Variants in PPAN observed in about 807,000 individuals in gnomAD.
PPAN encodes the protein peter pan homolog.
In PPAN, 39 loss-of-function variants were observed where a neutral mutation model predicts 48.5. That is an observed-to-expected ratio of 0.80 (90% CI 0.62 to 1.05). The LOEUF is 1.05. Among genes scored for constraint, PPAN ranks in the 50% least tolerant of loss-of-function variants. The pLI, the probability that PPAN is intolerant of heterozygous loss-of-function variation, is 0.00. For synonymous variants in PPAN, 315 were observed against 268.6 expected, an observed-to-expected ratio of 1.17 and a Z score of -1.69; for missense variants, 736 against 661.7, an observed-to-expected ratio of 1.11 and a Z score of -1.23.
In PPAN at chr19:10,108,140, T is replaced by G. The variant is rs1160319000; in HGVS notation, c.513+6T>G. 6.2e-7 allele frequency: 1 copy of G among 1,605,620 alleles called. No individual in the cohort carries two copies. Among genetic ancestry groups the G allele is most frequent in the Admixed American group, 1.7e-5 (1 of 59,082 alleles). On this transcript the variant is annotated splice_donor_region_variant and intron_variant, in intron 5 of 11. Transcript: ENST00000253107. ...CCTCCATCAACGTGCACAAGGTGGG[T>G]CTGGCCTGGCGAGGTGGCAGGTATG...
chr19:10,109,550 G>A, intron 5 of PPAN, 81 bp from the exon 6 acceptor site: 3 of 1,454,018 alleles, frequency 2.1e-6, no homozygotes, highest in Non-Finnish European at 2.8e-6. Context: ...TCCACGAACA[G>A]TGTGTGTATC....
rs1339730300 is a variant in PPAN at position 10,106,742 on chromosome 19, C to T, written c.189+71C>T. 4.1e-6 allele frequency: 6 copies of T among 1,465,842 alleles called. No homozygotes were observed. The Admixed American group carries it at 9.0e-5, about 22-fold the overall frequency. The allele number at this position is 1,465,842 out of a possible 1,614,324, so 90.8% of individuals were successfully genotyped here. On this transcript the variant is annotated intron_variant, in intron 2 of 11. Transcript: ENST00000253107. ...TCTTCGTAGCTGCAGTAATGGCTCC[C>T]GCTGTAAAACTGTGGGAGGACTTAA... is the stretch of plus-strand genomic sequence containing the variant.
intron 1 of PPAN, 37 bp from the exon 2 acceptor site, chr19:10,106,464 G>GGTCGCGGCGCTGACCCTTTGTCTCTCGTC: frequency 6.5e-6 from 10 of 1,547,622 alleles, no homozygotes; most frequent in African/African-American, 1.4e-5. Context: ...TCCCGGCCGA[G>GGTCGCGGCGCTGACCCTTTGTCTCTCGTC]GTCGCGGCGC....
At chr19:10,106,759 A>G (rs1599302799) in intron 2 of PPAN, 88 bp downstream of exon 2, 2 of 1,451,324 alleles carry the variant, frequency 1.4e-6, no homozygotes, top group Non-Finnish European at 1.8e-6. Context: ...AAACTGTGGG[A>G]GGACTTAAGT....
At position 10,106,642 on chromosome 19, in the gene PPAN, A is replaced by ATGGAGCCGCTCAC. The variant is rs766957053; in HGVS notation, c.163_175dup (p.Ala59GlyfsTer12). On this transcript the variant is annotated frameshift_variant, in exon 2 of 12. Coordinates refer to ENST00000253107, the MANE Select transcript of PPAN (RefSeq NM_020230.7). LOFTEE classifies it high-confidence loss of function. ...GCTCAGCCTGGACGTGCGGCGGGTC[A>ATGGAGCCGCTCAC]TGGAGCCGCTCACTGCCAGCCGTCT... The ATGGAGCCGCTCAC allele has an allele frequency of 6.5e-7, 1 of 1,544,070 alleles. No homozygotes were observed. Among genetic ancestry groups the ATGGAGCCGCTCAC allele is most frequent in the Admixed American group, 1.9e-5 (1 of 51,426 alleles).
rs1436148555 is a variant in PPAN at position 10,110,903 on chromosome 19, T to C, written c.1201+37T>C. The C allele has an allele frequency of 6.2e-7, 1 of 1,613,086 alleles. No homozygotes were observed. The highest frequency in any genetic ancestry group is 8.5e-7 in the Non-Finnish European group (1 of 1,179,778). ...GGTCTGCAGCAGGGCACCCAGAGCC[T>C]GTCCTTGTCTCTGGGGGCCCTGACA... On this transcript the variant is annotated intron_variant, in intron 11 of 11. Transcript: ENST00000253107. The surrounding 1 kb of genome is among the most constrained non-coding windows in gnomAD (Gnocchi z 5.9).
In PPAN at chr19:10,110,685, G is replaced by A. The variant is rs200715339; in HGVS notation, c.1032-12G>A. The A allele has an allele frequency of 3.8e-5, 62 of 1,613,074 alleles. No homozygotes were observed. Among genetic ancestry groups the A allele is most frequent in the South Asian group, 3.2e-4 (29 of 91,062 alleles). On this transcript the variant is annotated splice_polypyrimidine_tract_variant and intron_variant, in intron 10 of 11. Transcript: ENST00000253107. The surrounding 1 kb of genome is among the most constrained non-coding windows in gnomAD (Gnocchi z 5.9). ...GATGGGCGGCTATGTTGACCCCCAC[G>A]CCCTCCTCCAGAAAGAAGAGCCTGG...
chr19:10,110,688 C>T lies in PPAN; in HGVS notation c.1032-9C>T. The T allele has an allele frequency of 6.2e-7, 1 of 1,613,210 alleles. No individual in the cohort carries two copies. Among genetic ancestry groups the T allele is most frequent in the Non-Finnish European group, 8.5e-7 (1 of 1,179,666 alleles). ...GGGCGGCTATGTTGACCCCCACGCC[C>T]TCCTCCAGAAAGAAGAGCCTGGAGG... On this transcript the variant is annotated splice_polypyrimidine_tract_variant and intron_variant, in intron 10 of 11. Transcript: ENST00000253107. The surrounding 1 kb of genome is among the most constrained non-coding windows in gnomAD (Gnocchi z 5.9).
rs951325132 is a variant in PPAN, at chr19:10,108,033, C to T, written c.412C>T (p.Pro138Ser). Residue 138 changes from proline (P) to serine (S), a missense_variant, in exon 5 of 12, where the codon CCA becomes TCA. Coordinates refer to ENST00000253107, the MANE Select transcript of PPAN (RefSeq NM_020230.7). ...HRMHEQQFAH[P>S]PLLVLNSFGP... ...CATGCACGAGCAGCAGTTTGCCCAC[C>T]CACCCCTCCTGGTACTCAACAGCTT... 5.6e-6 allele frequency: 9 copies of T among 1,613,834 alleles called. No individual in the cohort carries two copies. The highest frequency in any genetic ancestry group is 1.3e-5 in the African/African-American group (1 of 75,066).
Position 10,106,503 on chromosome 19 carries a change from C to T in PPAN, c.21C>T (p.Ser7=). 6.4e-7 allele frequency: 1 copy of T among 1,551,006 alleles called. No homozygotes were observed. The highest frequency in any genetic ancestry group is 8.7e-7 in the Non-Finnish European group (1 of 1,147,040). ...CCCTTTGTCTCTCGTCGCCGCAGTC[C>T]CGGCACCAGAAGCGCGCCCGCGCCC... MGQSGR[S]RHQKRARAQA... The change falls in exon 2 of 12, where the codon TCC becomes TCT. Residue 7 remains serine, a splice_region_variant and synonymous_variant. Transcript: ENST00000253107.
chr19:10,109,204 C>T (rs1273743432), intron 5 of PPAN, among the ~76,000 whole-genome samples: 1 of 152,000 alleles, frequency 6.6e-6, no homozygotes, highest in Non-Finnish European at 1.5e-5. Context: ...CGTGAGCTGC[C>T]CGCCTCGGCC....
rs748409976 is a variant in PPAN, at chr19:10,109,183, T to C, written c.514-448T>C. Reference sequence around the variant, plus strand: ...TTCACCGTGTTAGCCAGGGTGGTCTTGATCTGACCTCGTGAGCTGCCCGCC... The same window carrying C: ...TTCACCGTGTTAGCCAGGGTGGTCTCGATCTGACCTCGTGAGCTGCCCGCC... On this transcript the variant is annotated intron_variant, in intron 5 of 11. Transcript: ENST00000253107. Among the ~76,000 whole-genome samples the C allele has an allele frequency of 2.0e-5, 3 of 152,030 alleles. No individual in the cohort carries two copies. The South Asian group carries it at 6.2e-4, about 32-fold the overall frequency.
At chr19:10,109,278 G>A (rs1158428966) in intron 5 of PPAN, among the ~76,000 whole-genome samples, 1 of 151,796 alleles carries the variant, frequency 6.6e-6, no homozygotes, top group African/African-American at 2.4e-5. Flanking sequence ...TTTTTTTTAA[G>A]AGACGGGGTC....
intron 3 of PPAN, 48 bp downstream of exon 3, chr19:10,107,654 C>T (rs933295822): frequency 1.9e-6 from 3 of 1,608,592 alleles, no homozygotes; most frequent in Non-Finnish European, 2.6e-6. Context: ...CCCCCTTCCC[C>T]TATCTCTCAT....
Position 10,111,296 on chromosome 19 carries a change from A to C in PPAN, c.*131A>C. On this transcript the variant is annotated 3_prime_UTR_variant, in exon 12 of 12. Coordinates refer to ENST00000253107, the MANE Select transcript of PPAN (RefSeq NM_020230.7). The stretch of plus-strand genomic sequence containing the variant: ...ACTCCAGTAAAGAACTGAATTGGCC[A>C]GGGGTCCACGTCAGCGTTTGGGATG... 8.9e-7 allele frequency: 1 copy of C among 1,127,756 alleles called. No homozygotes were observed. The highest frequency in any genetic ancestry group is 2.6e-5 in the East Asian group (1 of 38,698). 69.9% of individuals were successfully genotyped at this position (1,127,756 alleles called of 1,614,324 possible).
chr19:10,106,622 G>C lies in PPAN; in HGVS notation c.140G>C (p.Ser47Thr), dbSNP rs1033073810. Residue 47 changes from serine (S) to threonine (T), a missense_variant, in exon 2 of 12, where the codon AGC becomes ACC. Ser to Thr is a moderately conservative substitution (Grantham distance 58). Transcript: ENST00000253107. The part of the protein sequence containing the change: ...GCTGRNIRQL[S>T]LDVRRVMEPL... Reference sequence around the variant, plus strand: ...ACGGGTCGCAACATCCGGCAGCTCAGCCTGGACGTGCGGCGGGTCATGGAG... The same window carrying C: ...ACGGGTCGCAACATCCGGCAGCTCACCCTGGACGTGCGGCGGGTCATGGAG... 2 of 1,549,642 alleles carry C rather than the reference G, an allele frequency of 1.3e-6. No individual in the cohort carries two copies. The highest frequency in any genetic ancestry group is 1.7e-6 in the Non-Finnish European group (2 of 1,147,460).
In PPAN at chr19:10,106,678, A is replaced by G. The variant is rs1044949953; in HGVS notation, c.189+7A>G. 5 of 1,523,860 alleles carry G rather than the reference A, an allele frequency of 3.3e-6. No homozygotes were observed. The highest frequency in any genetic ancestry group is 4.6e-4 in the Middle Eastern group (2 of 4,330). The allele number at this position is 1,523,860 out of a possible 1,614,324, so 94.4% of individuals were successfully genotyped here. A position where few individuals can be genotyped will look rare whatever the true frequency, so the allele number is the denominator to read the frequency against. The stretch of plus-strand genomic sequence containing the variant: ...CACTGCCAGCCGTCTGCAGGTTTGT[A>G]CCCCACCCCCAGCCCGCCTCCACCC... On this transcript the variant is annotated splice_region_variant and intron_variant, in intron 2 of 11. Transcript: ENST00000253107.
intron 5 of PPAN, 64 bp downstream of exon 5, chr19:10,108,198 C>T: frequency 6.5e-7 from 1 of 1,545,894 alleles, no homozygotes; most frequent in South Asian, 1.3e-5. Context: ...GCCACAGGCC[C>T]TCAGATGGAT....
chr19:10,110,218 C>T lies in PPAN; in HGVS notation c.794C>T (p.Ala265Val). 1 of 1,611,368 alleles carries T rather than the reference C, an allele frequency of 6.2e-7. No homozygotes were observed. ...QAVAGRGNMR[A>V]QQSAVRLTEI... ...GTCGCTGGCCGTGGCAACATGCGGG[C>T]CCAGCAGAGTGCAGTGCGGCTCACC... The change falls in exon 8 of 12, where the codon GCC (alanine) becomes GTC (valine). Residue 265 changes from alanine to valine, a missense_variant. Physicochemically the swap from Ala to Val is moderately conservative, Grantham distance 64. Coordinates refer to ENST00000253107, the MANE Select transcript of PPAN (RefSeq NM_020230.7). This position sits in a 1 kb window ranked among gnomAD's most constrained non-coding sequence, Gnocchi z 5.9.
Sources: gnomAD v4.1 joint callset for allele counts (sites outside exome capture counted in the v4.1 genomes callset) on GRCh38, gnomAD v4.1.1 for gene constraint, Gnocchi (gnomAD v3.1) non-coding constraint, MANE v1.5 for transcripts, NCBI Gene and HGNC (gene_info 2026-07-23, HGNC 2026-07-21) for gene names.